Variants in PHF14 observed in about 807,000 individuals in gnomAD.
PHF14 encodes the protein PHD finger protein 14.
Under a neutral mutation model 117.9 loss-of-function variants are expected in PHF14, and 55 were observed. That is an observed-to-expected ratio of 0.47 (90% CI 0.38 to 0.58). The LOEUF is 0.58. Among genes scored for constraint, PHF14 ranks in the 20% least tolerant of loss-of-function variants. The probability of loss-of-function intolerance (pLI) is 0.00; values close to 1 mark genes in which losing one functional copy is unlikely to be tolerated. For synonymous variants in PHF14, 409 were observed against 368.6 expected (o/e 1.11, Z -1.26); for missense variants, 978 against 1,122.2 (o/e 0.87, Z 1.84).
intron 7 of PHF14, among the ~76,000 whole-genome samples, chr7:11,031,683 GT>G (rs1434094435): frequency 6.6e-6 from 1 of 151,976 alleles, no homozygotes; most frequent in Non-Finnish European, 1.5e-5. Context: ...ATACCCGGGA[GT>G]TTGAGGCTGC....
At chr7:11,071,564 T>C (rs1053505132) in intron 16 of PHF14, among the ~76,000 whole-genome samples, 14 of 152,226 alleles carry the variant, frequency 9.2e-5, no homozygotes, top group African/African-American at 2.9e-4. Context: ...ATTATAAGTA[T>C]AGAGCTTAAT....
chr7:11,127,660 C>T (rs190878913), intron 17 of PHF14, among the ~76,000 whole-genome samples: 1 of 152,212 alleles, frequency 6.6e-6, no homozygotes, highest in Non-Finnish European at 1.5e-5. Flanking sequence ...AGTACCTCTT[C>T]TAAAGAAATC....
chr7:11,136,785 C>T (rs1788232472), intron 17 of PHF14, among the ~76,000 whole-genome samples: 1 of 152,102 alleles, frequency 6.6e-6, no homozygotes, highest in Non-Finnish European at 1.5e-5. Flanking sequence ...TTCAAAAAGA[C>T]TTGTCTAGAT....
intron 17 of PHF14, among the ~76,000 whole-genome samples, chr7:11,120,068 C>G (rs771956818): frequency 6.6e-6 from 1 of 151,778 alleles, no homozygotes; most frequent in Non-Finnish European, 1.5e-5. Flanking sequence ...CAAAAAATTG[C>G]CATTAAATTG....
intron 17 of PHF14, among the ~76,000 whole-genome samples, chr7:11,162,863 A>T (rs1789088286): frequency 6.6e-6 from 1 of 152,074 alleles, no homozygotes; most frequent in South Asian, 2.1e-4. Flanking sequence ...CTTTGCTACG[A>T]AAAGCTGCCA....
chr7:11,057,784 C>T (rs2128328357), intron 14 of PHF14, among the ~76,000 whole-genome samples: 1 of 152,102 alleles, frequency 6.6e-6, no homozygotes, highest in Non-Finnish European at 1.5e-5. Context: ...TTTTTAATCA[C>T]CTCTTTTCAA....
intron 6 of PHF14, among the ~76,000 whole-genome samples, chr7:11,025,656 A>G (rs911965591): frequency 5.3e-5 from 8 of 152,146 alleles, no homozygotes; most frequent in Admixed American, 1.3e-4. Flanking sequence ...TTAGCCGGGC[A>G]TGGTAGCAGG....
intron 14 of PHF14, among the ~76,000 whole-genome samples, chr7:11,058,924 T>C (rs1033506446): frequency 6.6e-6 from 1 of 151,398 alleles, no homozygotes; most frequent in Non-Finnish European, 1.5e-5. Flanking sequence ...TATTATTTTA[T>C]ATTTTTATAA....
chr7:11,045,150 A>G (rs1243281431), intron 13 of PHF14, among the ~76,000 whole-genome samples: 2 of 152,212 alleles, frequency 1.3e-5, no homozygotes, highest in Non-Finnish European at 2.9e-5. Context: ...ATTACTAAAT[A>G]CTACATAACA....
chr7:11,096,166 G>A (rs1162118832), intron 16 of PHF14, among the ~76,000 whole-genome samples: 3 of 152,072 alleles, frequency 2.0e-5, no homozygotes, highest in Non-Finnish European at 1.5e-5. Flanking sequence ...CGGTGTCTGA[G>A]TATATGCATG....
At chr7:11,029,455 C>T (rs982438859) in intron 7 of PHF14, among the ~76,000 whole-genome samples, 4 of 151,976 alleles carry the variant, frequency 2.6e-5, no homozygotes, top group South Asian at 2.1e-4. Flanking sequence ...CAGAACCCAC[C>T]GAATATAGAA....
chr7:11,105,693 A>G (rs756881561), intron 16 of PHF14: 297 of 984,406 alleles, frequency 3.0e-4, no homozygotes, highest in Non-Finnish European at 2.9e-4. Flanking sequence ...TGCTTTGCAA[A>G]TATTTCTCTA....
At chr7:11,026,098 T>G (rs1283278584) in intron 6 of PHF14, among the ~76,000 whole-genome samples, 1 of 124,652 alleles carries the variant, frequency 8.0e-6, no homozygotes, top group Non-Finnish European at 1.7e-5. Context: ...GGTGACAGTG[T>G]GAGACTCCAT....
intron 14 of PHF14, among the ~76,000 whole-genome samples, chr7:11,052,314 G>A (rs1014778475): frequency 4.6e-5 from 7 of 152,150 alleles, no homozygotes; most frequent in Non-Finnish European, 1.0e-4. Flanking sequence ...CCATGTAGTT[G>A]TAGTTTATTT....
At chr7:11,141,231 C>T (rs1443277484) in intron 17 of PHF14, among the ~76,000 whole-genome samples, 3 of 152,072 alleles carry the variant, frequency 2.0e-5, no homozygotes, top group Non-Finnish European at 2.9e-5. Flanking sequence ...AAATTTAGAG[C>T]AACTGGCCAA....
At chr7:11,074,197 T>C (rs1233968772) in intron 16 of PHF14, among the ~76,000 whole-genome samples, 1 of 151,854 alleles carries the variant, frequency 6.6e-6, no homozygotes, top group East Asian at 1.9e-4. Context: ...AAAATGCCTT[T>C]CCTTTTTTTT....
At position 10,982,748 on chromosome 7, in the gene PHF14, C is replaced by A; in HGVS notation, c.489C>A (p.Ser163=). Reference sequence around the variant, plus strand: ...CAAGTCCTCCTGCTGTTAACACATCCCCTTCTGTTCCCACTACGACAACCG... The same window carrying A: ...CAAGTCCTCCTGCTGTTAACACATCACCTTCTGTTCCCACTACGACAACCG... ...PATSPPAVNT[S]PSVPTTTTAT... is the part of the protein sequence containing the mutation. The change falls in exon 3 of 18, where the codon TCC becomes TCA. Residue 163 remains serine (S), a synonymous_variant. Transcript: ENST00000634607. 6.2e-7 allele frequency: 1 copy of A among 1,613,784 alleles called. No individual in the cohort carries two copies.
intron 16 of PHF14, chr7:11,107,090 GT>G: frequency 1.0e-6 from 1 of 983,392 alleles, no homozygotes; most frequent in Non-Finnish European, 1.2e-6. Context: ...TTAAAAAGTA[GT>G]TGTAGTTTAC....
chr7:11,159,087 T>C (rs529107658), intron 17 of PHF14, among the ~76,000 whole-genome samples: 2 of 152,250 alleles, frequency 1.3e-5, no homozygotes, highest in African/African-American at 2.4e-5. Flanking sequence ...ATGCAAATTA[T>C]AGTTTTCACT....
Sources: gnomAD v4.1 joint callset for allele counts (sites outside exome capture counted in the v4.1 genomes callset) on GRCh38, gnomAD v4.1.1 for gene constraint, MANE v1.5 for transcripts, NCBI Gene and HGNC (gene_info 2026-07-23, HGNC 2026-07-21) for gene names.